LATS1: variants seen among roughly 807,000 people sequenced by gnomAD.
LATS1 encodes the protein serine/threonine-protein kinase LATS1.
Under a neutral mutation model 106.6 loss-of-function variants are expected in LATS1, and 25 were observed. The ratio of observed to expected loss-of-function variants is 0.23; its 90% CI spans 0.17 to 0.33. The LOEUF (loss-of-function observed/expected upper bound fraction) is 0.33. LATS1 is among the 10% of genes least tolerant of loss of function. The pLI is 1.00. For synonymous variants in LATS1, 465 were observed against 455.6 expected (o/e 1.02, Z -0.26); for missense variants, 1,040 against 1,382.6 (o/e 0.75, Z 3.93).
At chr6:149,703,964 A>T in intron 1 of LATS1, among the ~76,000 whole-genome samples, 1 of 152,244 alleles carries the variant, frequency 6.6e-6, no homozygotes, top group Non-Finnish European at 1.5e-5. Context: ...AGTAATTCAT[A>T]GTACATTTAT....
At chr6:149,716,538 C>T (rs1354542819) in intron 1 of LATS1, 1 of 152,090 alleles carries the variant, frequency 6.6e-6, no homozygotes, top group Non-Finnish European at 1.5e-5. Context: ...AGGGTTAGAA[C>T]AGTTCCAACA....
intron 1 of LATS1, among the ~76,000 whole-genome samples, chr6:149,703,849 GA>G (rs1461189102): frequency 6.6e-6 from 1 of 152,118 alleles, no homozygotes; most frequent in African/African-American, 2.4e-5. Flanking sequence ...ACAAGTAAAG[GA>G]ATATACACAC....
chr6:149,674,375 G>A (rs891102525), intron 7 of LATS1, among the ~76,000 whole-genome samples: 1 of 151,652 alleles, frequency 6.6e-6, no homozygotes, highest in Non-Finnish European at 1.5e-5. Context: ...ACCACACCCA[G>A]CCAAATTTTT....
chr6:149,712,022 A>G (rs1353997194), intron 1 of LATS1, among the ~76,000 whole-genome samples: 6 of 152,108 alleles, frequency 3.9e-5, no homozygotes, highest in African/African-American at 1.2e-4. Flanking sequence ...ACATTACTTC[A>G]CAGGTCCCTG....
rs746963291 is a variant in LATS1, at chr6:149,676,635, G to A, written c.2696C>T (p.Ala899Val). The part of the protein sequence containing the change: ...DRLKPLERRA[A>V]RQHQRCLAHS... ...TGCTAGACATCGCTGGTGCTGGCGTGCAGCTCTCCGCTCTAATGGCTTCAG... is the reference window on the plus strand; with the variant it reads ...TGCTAGACATCGCTGGTGCTGGCGTACAGCTCTCCGCTCTAATGGCTTCAG... The change falls in exon 6 of 8, where the codon GCA (alanine) becomes GTA (valine). Residue 899 changes from alanine to valine, a missense_variant. By Grantham distance (64) the Ala-to-Val change is moderately conservative (BLOSUM62 0). Transcript: ENST00000543571. 4.3e-6 allele frequency: 7 copies of A among 1,614,070 alleles called. No individual in the cohort carries two copies. The highest frequency in any genetic ancestry group is 5.9e-6 in the Non-Finnish European group (7 of 1,179,976).
At chr6:149,699,365 C>A (rs145105288) in intron 2 of LATS1, among the ~76,000 whole-genome samples, 2 of 152,176 alleles carry the variant, frequency 1.3e-5, no homozygotes, top group East Asian at 1.9e-4. Flanking sequence ...AAGTGAAGAG[C>A]GCCTCTGCCT....
chr6:149,669,840 T>C (rs1408049724), intron 7 of LATS1, among the ~76,000 whole-genome samples: 2 of 151,874 alleles, frequency 1.3e-5, no homozygotes, highest in Non-Finnish European at 2.9e-5. Flanking sequence ...TGGTTCTACA[T>C]TGAACTTGAA....
At chr6:149,698,518 T>C (rs375276496) in intron 2 of LATS1, among the ~76,000 whole-genome samples, 2 of 151,652 alleles carry the variant, frequency 1.3e-5, no homozygotes, top group East Asian at 3.9e-4. Context: ...AGCACTGGAA[T>C]TACAAGAGTG....
intron 2 of LATS1, among the ~76,000 whole-genome samples, chr6:149,695,519 A>C (rs2114911342): frequency 6.6e-6 from 1 of 152,258 alleles, no homozygotes; most frequent in East Asian, 1.9e-4. Context: ...CTGCAAAAAA[A>C]CACAAAAATT....
chr6:149,684,408 G>C lies in LATS1; in HGVS notation c.681C>G (p.His227Gln). ...GGTTCACTCTCTGTCCGTTGCTAGG[G>C]TGAGCTTGAACAAATGCTGATATAC... ...GSGISAFVQA[H>Q]PSNGQRVNPP... is the part of the protein sequence containing the mutation. The change falls in exon 4 of 8, where the codon CAC becomes CAG. Residue 227 changes from histidine (H) to glutamine (Q), a missense_variant. This residue lies in a region of LATS1 where 624 missense variants were observed against 714.8 expected (regional missense o/e 0.87). Coordinates refer to ENST00000543571, the MANE Select transcript of LATS1 (RefSeq NM_004690.4). The C allele has an allele frequency of 6.2e-7, 1 of 1,614,022 alleles. No homozygotes were observed. Among genetic ancestry groups the C allele is most frequent in the Non-Finnish European group, 8.5e-7 (1 of 1,179,998 alleles).
Position 149,679,967 on chromosome 6 carries a change from ATAT to A in LATS1, c.2498_2500del (p.Asn833del). 6.2e-7 allele frequency: 1 copy of A among 1,614,138 alleles called. No homozygotes were observed. The highest frequency in any genetic ancestry group is 8.5e-7 in the Non-Finnish European group (1 of 1,179,996). ...AATATGACCATCACGATCAATCAAAATATTATCAGGTTTAATATCTCTATGAAT... is the reference window on the plus strand; with the variant it reads ...AATATGACCATCACGATCAATCAAAATATCAGGTTTAATATCTCTATGAAT... On this transcript the variant is annotated inframe_deletion, in exon 5 of 8. Transcript: ENST00000543571.
chr6:149,665,638 CTG>C (rs1216167984), intron 7 of LATS1, among the ~76,000 whole-genome samples: 1 of 152,170 alleles, frequency 6.6e-6, no homozygotes, highest in Non-Finnish European at 1.5e-5. Context: ...CCCCTCCAAA[CTG>C]TAACTATGTG....
intron 1 of LATS1, among the ~76,000 whole-genome samples, chr6:149,710,325 G>T (rs1468429558): frequency 6.6e-6 from 1 of 152,176 alleles, no homozygotes; most frequent in Non-Finnish European, 1.5e-5. Context: ...GTCGACACTG[G>T]AAGCGGGGTA....
At chr6:149,684,661 G>T in intron 3 of LATS1, 69 bp from the exon 4 acceptor site, 2 of 1,130,266 alleles carry the variant, frequency 1.8e-6, no homozygotes, top group Non-Finnish European at 2.5e-6. Flanking sequence ...GAAAACCTTA[G>T]CTTGCAATTC....
At chr6:149,716,899 T>C (rs1392406287) in intron 1 of LATS1, among the ~76,000 whole-genome samples, 3 of 152,236 alleles carry the variant, frequency 2.0e-5, no homozygotes, top group African/African-American at 7.2e-5. Flanking sequence ...CTACCTTTTC[T>C]TCCTCATGGA....
At chr6:149,662,918 A>T (rs1238990392) in intron 7 of LATS1, among the ~76,000 whole-genome samples, 1 of 149,696 alleles carries the variant, frequency 6.7e-6, no homozygotes, top group Non-Finnish European at 1.5e-5. Flanking sequence ...GTGAGCCATG[A>T]CTGCACCACT....
intron 7 of LATS1, among the ~76,000 whole-genome samples, chr6:149,665,725 T>TC (rs1339833946): frequency 6.6e-6 from 1 of 152,176 alleles, no homozygotes; most frequent in Non-Finnish European, 1.5e-5. Context: ...CAAAGAGATC[T>TC]ATCTGCCTAG....
intron 1 of LATS1, among the ~76,000 whole-genome samples, chr6:149,717,105 A>C (rs754125304): frequency 6.6e-6 from 1 of 152,224 alleles, no homozygotes; most frequent in Non-Finnish European, 1.5e-5. Context: ...CACTAGATTT[A>C]TGAATAACTT....
chr6:149,701,129 C>G (rs1258162960), intron 2 of LATS1, among the ~76,000 whole-genome samples: 1 of 152,158 alleles, frequency 6.6e-6, no homozygotes, highest in African/African-American at 2.4e-5. Context: ...TTACATTGCC[C>G]ATCTAAAATG....
Sources: allele counts gnomAD v4.1 joint callset (sites outside exome capture counted in the v4.1 genomes callset), GRCh38; gene constraint gnomAD v4.1.1; regional missense constraint gnomAD v4.1.1; transcripts MANE v1.5; gene names NCBI Gene and HGNC (gene_info 2026-07-23, HGNC 2026-07-21).